The following ALG9 variants were observed in gnomAD, a reference collection of about 807,000 sequenced individuals.
ALG9 encodes the protein ALG9 alpha-1,2-mannosyltransferase.
Under a neutral mutation model 81.8 loss-of-function variants are expected in ALG9, and 55 were observed. The ratio of observed to expected loss-of-function variants is 0.67; its 90% CI spans 0.54 to 0.84. ALG9 has a LOEUF of 0.84. ALG9 is among the 40% of genes least tolerant of loss of function. The pLI is 0.00. For missense variants in ALG9, 629 were observed against 745.0 expected, an observed-to-expected ratio of 0.84 and a Z score of 1.81; for synonymous variants, 278 against 274.3, an observed-to-expected ratio of 1.01 and a Z score of -0.13.
chr11:111,796,632 G>C (rs1471594898), intron 14 of ALG9, among the ~76,000 whole-genome samples: 1 of 152,208 alleles, frequency 6.6e-6, no homozygotes, highest in Non-Finnish European at 1.5e-5. Flanking sequence ...AGCTCTGCCA[G>C]ACGAAGGGTC....
chr11:111,790,448 A>G (rs1180441483), intron 14 of ALG9, among the ~76,000 whole-genome samples: 1 of 152,244 alleles, frequency 6.6e-6, no homozygotes, highest in African/African-American at 2.4e-5. Flanking sequence ...GGGCAAACAC[A>G]GCAAAACCGC....
At chr11:111,801,712 C>G (rs1016457705) in intron 14 of ALG9, among the ~76,000 whole-genome samples, 2 of 152,202 alleles carry the variant, frequency 1.3e-5, no homozygotes, top group Non-Finnish European at 2.9e-5. Context: ...CAGCTCTTTA[C>G]CCAAATGATT....
intron 5 of ALG9, chr11:111,857,940 A>G: frequency 1.7e-6 from 1 of 582,652 alleles, no homozygotes; most frequent in Non-Finnish European, 2.9e-6. Flanking sequence ...TATTTTTCTC[A>G]CTCCTGGTTT....
At chr11:111,865,081 G>T (rs370535673) in intron 4 of ALG9, 100 bp downstream of exon 4, 1 of 1,043,950 alleles carries the variant, frequency 9.6e-7, no homozygotes, top group Non-Finnish European at 1.4e-6. Flanking sequence ...CCGGTCAAGA[G>T]TTTTCTATTT....
Position 111,803,919 on chromosome 11 carries a change from G to C in ALG9, c.1733+5724C>G, listed in dbSNP as rs141940090. Among the ~76,000 whole-genome samples, 144 of 151,956 alleles carry C rather than the reference G, an allele frequency of 9.5e-4. 1 individual carries two copies. Among genetic ancestry groups the C allele is most frequent in the South Asian group, 1.5e-3 (7 of 4,804 alleles). ...AGAGCGAGTCGGGTGGATCACTTGC[G>C]GTCAGGAGTTCCAGACCAGCATGGC... is the stretch of plus-strand genomic sequence containing the variant. On this transcript the variant is annotated intron_variant, in intron 14 of 14. Transcript: ENST00000616540.
chr11:111,838,466 G>A (rs1189587748), intron 10 of ALG9, 67 bp from the exon 11 acceptor site: 36 of 1,423,430 alleles, frequency 2.5e-5, no homozygotes, highest in African/African-American at 5.8e-5. Context: ...CATCAAGAGC[G>A]AAGCCAAAAA....
intron 12 of ALG9, 150 bp downstream of exon 12, chr11:111,837,318 G>C (rs1955471404): frequency 4.5e-6 from 4 of 887,658 alleles, no homozygotes; most frequent in Middle Eastern, 3.4e-4. Flanking sequence ...CAGGTACACA[G>C]TACACAGGCC....
intron 13 of ALG9, among the ~76,000 whole-genome samples, chr11:111,830,779 G>T (rs1954217494): frequency 6.6e-6 from 1 of 152,102 alleles, no homozygotes; most frequent in Non-Finnish European, 1.5e-5. Flanking sequence ...AGCATGTCGG[G>T]GGAAATCCTG....
At chr11:111,769,632 TA>T in the ALG9 span, among the ~76,000 whole-genome samples, 23 of 150,904 alleles carry the variant, frequency 1.5e-4, 1 homozygote, top group African/African-American at 4.9e-4. Flanking sequence ...AAAAAAAAAT[TA>T]AAGTCTTCAG....
the ALG9 span, chr11:111,769,153 A>AG: frequency 6.6e-6 from 1 of 150,766 alleles, no homozygotes; most frequent in African/African-American, 2.4e-5. Flanking sequence ...AAAAAAAAAA[A>AG]AAAAAAACTT....
chr11:111,860,722 C>T, intron 4 of ALG9, 87 bp from the exon 5 acceptor site: 1 of 984,292 alleles, frequency 1.0e-6, no homozygotes, highest in Non-Finnish European at 1.5e-6. Flanking sequence ...CCACAGATAA[C>T]ACTGAAGATC....
intron 4 of ALG9, among the ~76,000 whole-genome samples, chr11:111,863,682 C>A (rs1180210074): frequency 2.0e-5 from 3 of 152,168 alleles, no homozygotes; most frequent in East Asian, 1.9e-4. Flanking sequence ...ATATTTATTA[C>A]CGGGACACTT....
intron 14 of ALG9, chr11:111,788,528 G>A (rs1357757115): frequency 1.4e-5 from 6 of 441,888 alleles, no homozygotes; most frequent in Admixed American, 1.0e-4. Context: ...AGGATTGCTT[G>A]AGCCCAGGAG....
At chr11:111,822,643 G>T (rs1413395281) in intron 13 of ALG9, among the ~76,000 whole-genome samples, 1 of 151,994 alleles carries the variant, frequency 6.6e-6, no homozygotes, top group Non-Finnish European at 1.5e-5. Context: ...AGTCCAGGAA[G>T]TTGAGACTGT....
chr11:111,808,605 C>T (rs1263747030), intron 14 of ALG9, among the ~76,000 whole-genome samples: 2 of 152,208 alleles, frequency 1.3e-5, no homozygotes, highest in Non-Finnish European at 2.9e-5. Context: ...AGGCTTACAC[C>T]TAGTACCTGT....
rs1555157382 is a variant in ALG9, at chr11:111,870,382, C to CCAAAACAA, written c.132-13_132-12insTTGTTTTG. ...TGTTCCCAGATAACCTGTTCAAAAG[C>CCAAAACAA]AAAAAAAAAAAAAAAAAAAAAAGCA... On this transcript the variant is annotated splice_polypyrimidine_tract_variant and intron_variant, in intron 1 of 14. Transcript: ENST00000616540. 2 of 969,596 alleles carry CCAAAACAA rather than the reference C, an allele frequency of 2.1e-6. No homozygotes were observed. Among genetic ancestry groups the CCAAAACAA allele is most frequent in the Non-Finnish European group, 1.2e-6 (1 of 800,852 alleles). The allele number at this position is 969,596 out of a possible 1,614,324, so 60.1% of individuals were successfully genotyped here.
chr11:111,772,776 G>A, the ALG9 span, among the ~76,000 whole-genome samples: 1 of 152,108 alleles, frequency 6.6e-6, no homozygotes, highest in Admixed American at 6.6e-5. Context: ...CAACAGAAAG[G>A]ACCCACATGA....
chr11:111,870,192 A>T, intron 2 of ALG9, 40 bp downstream of exon 2: 2 of 1,600,406 alleles, frequency 1.2e-6, no homozygotes, highest in Non-Finnish European at 1.7e-6. Context: ...CTATGCTGCA[A>T]AATCAAGAAC....
intron 9 of ALG9, 94 bp from the exon 10 acceptor site, chr11:111,840,903 T>C: frequency 1.4e-6 from 2 of 1,441,126 alleles, no homozygotes; most frequent in South Asian, 2.3e-5. Context: ...TTTAGGAGTA[T>C]GCCCTAGGAC....
Sources: allele counts gnomAD v4.1 joint callset (sites outside exome capture counted in the v4.1 genomes callset), GRCh38; gene constraint gnomAD v4.1.1; transcripts MANE v1.5; gene names NCBI Gene and HGNC (gene_info 2026-07-23, HGNC 2026-07-21).